The following RBFOX1 variants were observed in gnomAD, a reference collection of about 807,000 sequenced individuals.
The protein encoded by RBFOX1 is RNA binding protein fox-1 homolog 1.
In RBFOX1, 8 loss-of-function variants were observed where a neutral mutation model predicts 57.7. That is an observed-to-expected ratio of 0.14 (90% CI 0.08 to 0.25). RBFOX1 has a LOEUF of 0.25. Ranked by LOEUF, RBFOX1 falls within the 10% of genes least tolerant of loss-of-function variation. The pLI is 1.00. For missense variants in RBFOX1, 611 were observed against 548.5 expected, an observed-to-expected ratio of 1.11 and a Z score of -1.14; for synonymous variants, 326 against 222.4, an observed-to-expected ratio of 1.47 and a Z score of -4.15.
At chr16:6,929,189 C>T (rs901503814) in intron 3 of RBFOX1, among the ~76,000 whole-genome samples, 1 of 152,136 alleles carries the variant, frequency 6.6e-6, no homozygotes, top group African/African-American at 2.4e-5. Context: ...ACACATTCTA[C>T]TCTTTGAAGG....
intron 2 of RBFOX1, among the ~76,000 whole-genome samples, chr16:6,382,614 C>A (rs905149370): frequency 6.6e-6 from 1 of 152,176 alleles, no homozygotes; most frequent in East Asian, 1.9e-4. Context: ...AATCCCAGAA[C>A]TTTGGGAGGC....
intron 3 of RBFOX1, among the ~76,000 whole-genome samples, chr16:5,816,610 T>G (rs1437549884): frequency 6.6e-6 from 1 of 152,056 alleles, no homozygotes; most frequent in Non-Finnish European, 1.5e-5. Context: ...ATAGTTAAAC[T>G]TCGTTTCTAT....
chr16:7,567,190 C>CAT (rs1166295366), intron 5 of RBFOX1, among the ~76,000 whole-genome samples: 2 of 95,756 alleles, frequency 2.1e-5, no homozygotes, highest in African/African-American at 4.0e-5. Flanking sequence ...TATAAATATC[C>CAT]ATATATATAT....
At chr16:6,212,623 C>T (rs1378456481) in intron 1 of RBFOX1, among the ~76,000 whole-genome samples, 5 of 152,014 alleles carry the variant, frequency 3.3e-5, no homozygotes, top group Admixed American at 6.6e-5. Flanking sequence ...TGGAGAATGG[C>T]GTGAACCCGG....
chr16:7,013,402 T>C (rs539559922), intron 3 of RBFOX1, among the ~76,000 whole-genome samples: 2 of 152,272 alleles, frequency 1.3e-5, no homozygotes, highest in Admixed American at 6.5e-5. Context: ...CCAGAGAACA[T>C]GTGACAATGT....
chr16:5,337,107 G>T (rs1049070076), intron 1 of RBFOX1, among the ~76,000 whole-genome samples: 1 of 152,170 alleles, frequency 6.6e-6, no homozygotes, highest in African/African-American at 2.4e-5. Context: ...AGAGATGGCC[G>T]GCTGGGGACG....
At chr16:5,777,207 C>A (rs2054176527) in intron 3 of RBFOX1, among the ~76,000 whole-genome samples, 1 of 152,126 alleles carries the variant, frequency 6.6e-6, no homozygotes, top group Non-Finnish European at 1.5e-5. Context: ...CATGAATTTC[C>A]TTGCCTTTTC....
At chr16:6,272,905 A>C (rs1472906887) in intron 1 of RBFOX1, among the ~76,000 whole-genome samples, 1 of 152,184 alleles carries the variant, frequency 6.6e-6, no homozygotes, top group Non-Finnish European at 1.5e-5. Context: ...ATTTTATACA[A>C]AAAAGGCTCA....
At chr16:6,348,101 G>T (rs1250879454) in intron 2 of RBFOX1, among the ~76,000 whole-genome samples, 4 of 152,140 alleles carry the variant, frequency 2.6e-5, no homozygotes, top group African/African-American at 9.7e-5. Flanking sequence ...GTGCTCTGAG[G>T]GAGGTTATAG....
At chr16:7,497,581 A>T (rs1443129215) in intron 4 of RBFOX1, among the ~76,000 whole-genome samples, 17 of 152,206 alleles carry the variant, frequency 1.1e-4, no homozygotes, top group Non-Finnish European at 1.5e-5. Context: ...TTTTATATTA[A>T]TGCAAAAACA....
chr16:6,453,718 C>T (rs1371923987), intron 2 of RBFOX1, among the ~76,000 whole-genome samples: 1 of 152,184 alleles, frequency 6.6e-6, no homozygotes, highest in Non-Finnish European at 1.5e-5. Flanking sequence ...ATTGGTTTCA[C>T]TGGTGTTGTC....
intron 4 of RBFOX1, among the ~76,000 whole-genome samples, chr16:5,902,272 C>G (rs1223047148): frequency 1.3e-5 from 2 of 152,116 alleles, no homozygotes; most frequent in Non-Finnish European, 2.9e-5. Flanking sequence ...ATTCTGCACC[C>G]TAGCCTAAGA....
At chr16:6,295,916 AG>A (rs1382716661) in intron 1 of RBFOX1, among the ~76,000 whole-genome samples, 1 of 152,236 alleles carries the variant, frequency 6.6e-6, no homozygotes, top group East Asian at 1.9e-4. Flanking sequence ...AAACTAATCC[AG>A]CAGGACACCT....
chr16:6,670,895 G>C (rs1290533958), intron 3 of RBFOX1, among the ~76,000 whole-genome samples: 1 of 152,150 alleles, frequency 6.6e-6, no homozygotes, highest in Non-Finnish European at 1.5e-5. Flanking sequence ...AGCTACTTGG[G>C]AGGCTGAGGC....
At chr16:5,671,403 G>A (rs1168687384) in intron 3 of RBFOX1, among the ~76,000 whole-genome samples, 1 of 152,176 alleles carries the variant, frequency 6.6e-6, no homozygotes, top group Non-Finnish European at 1.5e-5. Flanking sequence ...ACACTTCACT[G>A]AGGCATTTGA....
chr16:7,206,354 C>G (rs1304898987), intron 4 of RBFOX1, among the ~76,000 whole-genome samples: 1 of 151,812 alleles, frequency 6.6e-6, no homozygotes, highest in Non-Finnish European at 1.5e-5. Context: ...CCAAGTAAGC[C>G]TAACATACCC....
Position 6,979,922 on chromosome 16 carries a change from A to G in RBFOX1, c.-15-72135A>G, listed in dbSNP as rs570208892. 3.0e-4 allele frequency among the ~76,000 whole-genome samples: 46 copies of G among 152,208 alleles called. 1 individual carries two copies. In the South Asian group the frequency reaches 9.2e-3, roughly 30 times the overall value. ...GGACAAGATCTTGTCAAAGAGATGG[A>G]ACTGCCAGTTTCTGAGAGGTCTCTG... On this transcript the variant is annotated intron_variant, in intron 3 of 15. Coordinates refer to ENST00000550418, the MANE Select transcript of RBFOX1 (RefSeq NM_018723.4).
At chr16:7,447,707 A>C (rs1262415330) in intron 4 of RBFOX1, among the ~76,000 whole-genome samples, 2 of 152,194 alleles carry the variant, frequency 1.3e-5, no homozygotes, top group African/African-American at 4.8e-5. Context: ...CTAGTCTCTC[A>C]CTATCCTCTT....
intron 1 of RBFOX1, among the ~76,000 whole-genome samples, chr16:6,090,456 T>C (rs1274375365): frequency 1.3e-5 from 2 of 152,328 alleles, no homozygotes; most frequent in East Asian, 3.9e-4. Flanking sequence ...GTGCTACAGC[T>C]ATAGAAAGTT....
Sources: gnomAD v4.1 joint callset for allele counts (sites outside exome capture counted in the v4.1 genomes callset) on GRCh38, gnomAD v4.1.1 for gene constraint, MANE v1.5 for transcripts, NCBI Gene and HGNC (gene_info 2026-07-23, HGNC 2026-07-21) for gene names.